The following PDE8A variants were observed in gnomAD, a reference collection of about 807,000 sequenced individuals.
The protein encoded by PDE8A is phosphodiesterase 8A.
PDE8A carries 59 observed loss-of-function variants against 105.0 expected under a neutral mutation model. The observed-to-expected ratio is 0.56, with a 90% confidence interval of 0.46 to 0.70. The LOEUF is 0.70. Ranked by LOEUF, PDE8A falls within the 30% of genes least tolerant of loss-of-function variation. PDE8A has a pLI of 0.00. For missense variants in PDE8A, 1,014 were observed against 1,045.9 expected (o/e 0.97, Z 0.42); for synonymous variants, 355 against 371.9 (o/e 0.95, Z 0.52).
chr15:85,047,526 G>A (rs1377384086), intron 1 of PDE8A, among the ~76,000 whole-genome samples: 2 of 152,166 alleles, frequency 1.3e-5, no homozygotes, highest in Non-Finnish European at 2.9e-5. Context: ...TAAAGTAAGC[G>A]TTCAGTGGTA....
chr15:84,982,209 A>T lies in PDE8A; in HGVS notation c.47A>T (p.Glu16Val). The T allele has an allele frequency of 6.7e-7, 1 of 1,485,150 alleles. No homozygotes were observed. The highest frequency in any genetic ancestry group is 8.9e-7 in the Non-Finnish European group (1 of 1,127,138). 92.0% of individuals were successfully genotyped at this position (1,485,150 alleles called of 1,614,324 possible). A position where few individuals can be genotyped will look rare whatever the true frequency, so the allele number is the denominator to read the frequency against. The change falls in exon 1 of 22, where the codon GAG becomes GTG. Residue 16 changes from glutamate (E) to valine (V), a missense_variant. Physicochemically the swap from Glu to Val is moderately radical, Grantham distance 121 (BLOSUM62 -2). Coordinates refer to ENST00000394553, the MANE Select transcript of PDE8A (RefSeq NM_002605.3). ...SIHISERLVA[E>V]DAPSPAAPPL... ...CACATTTCCGAGCGCCTGGTGGCCGAGGACGCGCCTAGCCCCGCGGCACCG... is the reference window on the plus strand; with the variant it reads ...CACATTTCCGAGCGCCTGGTGGCCGTGGACGCGCCTAGCCCCGCGGCACCG...
At chr15:85,124,032 T>C (rs1215923233) in intron 19 of PDE8A, among the ~76,000 whole-genome samples, 3 of 152,192 alleles carry the variant, frequency 2.0e-5, no homozygotes, top group Non-Finnish European at 4.4e-5. Flanking sequence ...GCAGCAGCTA[T>C]CCTCTCTTGG....
In PDE8A at chr15:85,072,747, C is replaced by G. The variant is rs550990204; in HGVS notation, c.435-3115C>G. On this transcript the variant is annotated intron_variant, in intron 3 of 21. Coordinates refer to ENST00000394553, the MANE Select transcript of PDE8A (RefSeq NM_002605.3). ...TGAGACAGATACTGTTTAAACCACT[C>G]TTCTCTGGTGTTTTCTATCTTGTGT... Among the ~76,000 whole-genome samples the G allele has an allele frequency of 2.6e-5, 4 of 152,276 alleles. No individual in the cohort carries two copies. In the East Asian group the frequency reaches 7.7e-4, roughly 29 times the overall value.
At chr15:85,086,044 C>T (rs2081547514) in intron 6 of PDE8A, among the ~76,000 whole-genome samples, 1 of 151,212 alleles carries the variant, frequency 6.6e-6, no homozygotes, top group African/African-American at 2.4e-5. Context: ...AAGAATTTAG[C>T]ATATGATTAC....
chr15:85,068,116 C>T (rs1490264036), intron 3 of PDE8A, among the ~76,000 whole-genome samples: 5 of 152,162 alleles, frequency 3.3e-5, no homozygotes, highest in African/African-American at 1.2e-4. Flanking sequence ...TCTCAGCTCA[C>T]TGCAACCTCC....
intron 5 of PDE8A, among the ~76,000 whole-genome samples, chr15:85,081,589 C>G (rs771884717): frequency 6.6e-6 from 1 of 152,128 alleles, no homozygotes; most frequent in Admixed American, 6.5e-5. Flanking sequence ...GGAGACTAAC[C>G]GCTGTTTAAG....
At chr15:84,996,183 TTTTAA>T (rs1007290570) in intron 1 of PDE8A, among the ~76,000 whole-genome samples, 25 of 136,340 alleles carry the variant, frequency 1.8e-4, no homozygotes, top group Non-Finnish European at 3.3e-4. Context: ...TTAAAATTTT[TTTTAA>T]TTTAATTATT....
At chr15:85,020,336 G>T (rs1177053356) in intron 1 of PDE8A, among the ~76,000 whole-genome samples, 10 of 152,186 alleles carry the variant, frequency 6.6e-5, no homozygotes, top group Non-Finnish European at 1.2e-4. Flanking sequence ...CGGCGCAGTG[G>T]CTCATGCCTG....
At chr15:85,080,386 C>T (rs2081445856) in intron 5 of PDE8A, among the ~76,000 whole-genome samples, 1 of 152,186 alleles carries the variant, frequency 6.6e-6, no homozygotes, top group Non-Finnish European at 1.5e-5. Flanking sequence ...ATCTTTATGT[C>T]ATCCCTCCCT....
At chr15:85,118,970 T>G (rs2082138268) in intron 17 of PDE8A, among the ~76,000 whole-genome samples, 1 of 152,192 alleles carries the variant, frequency 6.6e-6, no homozygotes, top group African/African-American at 2.4e-5. Context: ...GTTTTTTGTT[T>G]TTTTCCAGAA....
intron 1 of PDE8A, among the ~76,000 whole-genome samples, chr15:84,999,413 G>A (rs949864238): frequency 6.6e-6 from 1 of 152,072 alleles, no homozygotes; most frequent in African/African-American, 2.4e-5. Context: ...GTGAGCCACC[G>A]CGCCTGGCCC....
intron 1 of PDE8A, among the ~76,000 whole-genome samples, chr15:85,016,163 T>A (rs1473265172): frequency 6.6e-6 from 1 of 152,282 alleles, no homozygotes; most frequent in East Asian, 1.9e-4. Context: ...AAATAAAATT[T>A]AAAAAATGAC....
chr15:85,096,877 T>C (rs1309424815), intron 8 of PDE8A, among the ~76,000 whole-genome samples: 1 of 152,194 alleles, frequency 6.6e-6, no homozygotes, highest in Non-Finnish European at 1.5e-5. Flanking sequence ...TATCGGAGTA[T>C]TCTGGTTTCT....
intron 15 of PDE8A, 175 bp from the exon 16 acceptor site, chr15:85,115,809 A>G: frequency 1.7e-6 from 1 of 604,144 alleles, no homozygotes; most frequent in Non-Finnish European, 2.9e-6. Flanking sequence ...TAATCCCACT[A>G]CTCAGGAGGC....
intron 1 of PDE8A, 79 bp from the exon 2 acceptor site, chr15:85,064,291 G>A: frequency 1.0e-6 from 1 of 986,858 alleles, no homozygotes; most frequent in Non-Finnish European, 1.5e-6. Context: ...TTCATTTTTG[G>A]CACTGTTTAG....
chr15:85,115,873 C>G (rs1426255763), intron 15 of PDE8A, 111 bp from the exon 16 acceptor site: 1 of 953,920 alleles, frequency 1.0e-6, no homozygotes. Flanking sequence ...TGAGCTGAGA[C>G]TGTACCACAA....
chr15:85,044,420 G>A (rs111832884), intron 1 of PDE8A, among the ~76,000 whole-genome samples: 2 of 152,198 alleles, frequency 1.3e-5, no homozygotes, highest in African/African-American at 4.8e-5. Flanking sequence ...ACCAGGGAAA[G>A]CAGCTGAGAA....
At chr15:85,044,988 A>T in intron 1 of PDE8A, among the ~76,000 whole-genome samples, 1 of 151,902 alleles carries the variant, frequency 6.6e-6, no homozygotes, top group South Asian at 2.1e-4. Context: ...GCTTAGCTGT[A>T]ACCTCATCTC....
intron 1 of PDE8A, among the ~76,000 whole-genome samples, chr15:85,008,952 T>A (rs1000936948): frequency 3.9e-5 from 6 of 152,194 alleles, no homozygotes; most frequent in African/African-American, 1.4e-4. Flanking sequence ...AGCTGGTCTG[T>A]CCCTTGTCTT....
Sources: allele counts gnomAD v4.1 joint callset (sites outside exome capture counted in the v4.1 genomes callset), GRCh38; gene constraint gnomAD v4.1.1; transcripts MANE v1.5; gene names NCBI Gene and HGNC (gene_info 2026-07-23, HGNC 2026-07-21).